Variants in SNX3 observed in about 807,000 individuals in gnomAD.
The protein encoded by SNX3 is sorting nexin-3.
Under a neutral mutation model 17.7 loss-of-function variants are expected in SNX3, and 5 were observed. The ratio of observed to expected loss-of-function variants is 0.28; its 90% CI spans 0.15 to 0.59. SNX3 has a LOEUF of 0.59. Ranked by LOEUF, SNX3 falls within the 20% of genes least tolerant of loss-of-function variation. The pLI, the probability that SNX3 is intolerant of heterozygous loss-of-function variation, is 0.88. For missense variants in SNX3, 132 were observed against 206.8 expected, an observed-to-expected ratio of 0.64 and a Z score of 2.22; for synonymous variants, 91 against 76.5, an observed-to-expected ratio of 1.19 and a Z score of -0.99.
intron 2 of SNX3, among the ~76,000 whole-genome samples, chr6:108,215,735 A>G (rs1774547834): frequency 6.6e-6 from 1 of 152,104 alleles, no homozygotes; most frequent in Non-Finnish European, 1.5e-5. Flanking sequence ...GCTTGAGGCC[A>G]GGAATTTGAC....
chr6:108,254,663 G>A (rs1433143804), intron 1 of SNX3, among the ~76,000 whole-genome samples: 1 of 152,188 alleles, frequency 6.6e-6, no homozygotes, highest in East Asian at 1.9e-4. Context: ...TATAATGGGT[G>A]ACACAGGAAC....
chr6:108,260,329 C>T (rs1051624540), intron 1 of SNX3, among the ~76,000 whole-genome samples: 1 of 152,222 alleles, frequency 6.6e-6, no homozygotes, highest in Non-Finnish European at 1.5e-5. Context: ...CTGGAGCAGC[C>T]GGGTTGGCTT....
chr6:108,211,589 T>C lies in SNX3; in HGVS notation c.*560A>G, dbSNP rs1049520352. ...AGACAAATGATTTTAGTATATAAATTTGCTTTTGTTTTTATACAGAATATA... is the reference window on the plus strand; with the variant it reads ...AGACAAATGATTTTAGTATATAAATCTGCTTTTGTTTTTATACAGAATATA... On this transcript the variant is annotated 3_prime_UTR_variant, in exon 4 of 4. Transcript: ENST00000230085. The C allele has an allele frequency of 6.6e-6, 1 of 152,664 alleles. No homozygotes were observed. The highest frequency in any genetic ancestry group is 1.5e-5 in the Non-Finnish European group (1 of 68,060). 9.5% of individuals were successfully genotyped at this position (152,664 alleles called of 1,614,324 possible).
intron 1 of SNX3, among the ~76,000 whole-genome samples, chr6:108,248,484 G>A (rs1775757041): frequency 6.6e-6 from 1 of 152,120 alleles, no homozygotes; most frequent in Non-Finnish European, 1.5e-5. Flanking sequence ...CTGACCCACA[G>A]GAGCTACTCA....
intron 1 of SNX3, among the ~76,000 whole-genome samples, chr6:108,255,017 G>T (rs1044926311): frequency 3.9e-5 from 6 of 152,184 alleles, no homozygotes; most frequent in African/African-American, 1.4e-4. Context: ...GTTACCTCAA[G>T]ATTAAATTTT....
At chr6:108,257,244 T>A (rs1013892747) in intron 1 of SNX3, among the ~76,000 whole-genome samples, 2 of 152,080 alleles carry the variant, frequency 1.3e-5, no homozygotes, top group Non-Finnish European at 2.9e-5. Context: ...CAGGGCTGGG[T>A]GAGGTGGCTC....
intron 1 of SNX3, 136 bp from the exon 2 acceptor site, chr6:108,223,181 T>C (rs1774860049): frequency 3.4e-6 from 2 of 594,826 alleles, no homozygotes; most frequent in East Asian, 2.9e-5. Context: ...CTTTGTTGCC[T>C]AGGCTGGAGT....
At chr6:108,225,187 C>G (rs925481704) in intron 1 of SNX3, among the ~76,000 whole-genome samples, 1 of 152,134 alleles carries the variant, frequency 6.6e-6, no homozygotes, top group Admixed American at 6.5e-5. Context: ...GAGGCTGAGG[C>G]AGGAGAATGG....
intron 1 of SNX3, among the ~76,000 whole-genome samples, chr6:108,259,428 T>G (rs373539521): frequency 1.3e-5 from 2 of 152,016 alleles, no homozygotes; most frequent in South Asian, 4.1e-4. Flanking sequence ...AGATGGGGTT[T>G]CTCCATGCTG....
chr6:108,251,635 C>CA (rs1181677768), intron 1 of SNX3, among the ~76,000 whole-genome samples: 3 of 151,852 alleles, frequency 2.0e-5, no homozygotes, highest in Admixed American at 6.6e-5. Flanking sequence ...AGAAAAAAAC[C>CA]AAAAAAACAA....
intron 1 of SNX3, among the ~76,000 whole-genome samples, chr6:108,235,142 C>T (rs1775285785): frequency 6.6e-6 from 1 of 152,166 alleles, no homozygotes; most frequent in Non-Finnish European, 1.5e-5. Flanking sequence ...GGCCATGTGA[C>T]TGCCTTTGAT....
At chr6:108,243,576 AAAAAGAAATACT>A (rs1775588705) in intron 1 of SNX3, among the ~76,000 whole-genome samples, 1 of 152,192 alleles carries the variant, frequency 6.6e-6, no homozygotes, top group South Asian at 2.1e-4. Context: ...TAGAAAAAGA[AAAAAGAAATACT>A]AAAGAAAGCC....
At chr6:108,248,481 A>G (rs535383406) in intron 1 of SNX3, among the ~76,000 whole-genome samples, 1 of 152,344 alleles carries the variant, frequency 6.6e-6, no homozygotes, top group Non-Finnish European at 1.5e-5. Flanking sequence ...CAACTGACCC[A>G]CAGGAGCTAC....
chr6:108,222,839 A>C lies in SNX3; in HGVS notation c.258+111T>G. The C allele has an allele frequency of 4.2e-6, 3 of 715,476 alleles. No homozygotes were observed. The South Asian group carries it at 4.9e-5, about 12-fold the overall frequency. 44.3% of individuals were successfully genotyped at this position (715,476 alleles called of 1,614,324 possible). The stretch of plus-strand genomic sequence containing the variant: ...AATGACACTGAACTATTTGAAAAAA[A>C]GAAATCATATTTGCTTTTACCCATT... On this transcript the variant is annotated intron_variant, in intron 2 of 3. Transcript: ENST00000230085.
At chr6:108,242,363 C>T (rs1775546701) in intron 1 of SNX3, among the ~76,000 whole-genome samples, 2 of 152,036 alleles carry the variant, frequency 1.3e-5, no homozygotes, top group Admixed American at 1.3e-4. Flanking sequence ...AGATTCCCAC[C>T]CAATAAACAT....
Position 108,214,491 on chromosome 6 carries a change from C to A in SNX3, c.383+7G>T. Reference sequence around the variant, plus strand: ...GTCCTACACTTTGAGGAATAGGAAGCACTTACTTGTTTATAAACTGCTCCA... The same window carrying A: ...GTCCTACACTTTGAGGAATAGGAAGAACTTACTTGTTTATAAACTGCTCCA... On this transcript the variant is annotated splice_region_variant and intron_variant, in intron 3 of 3. Coordinates refer to ENST00000230085, the MANE Select transcript of SNX3 (RefSeq NM_003795.6). 1 of 1,612,566 alleles carries A rather than the reference C, an allele frequency of 6.2e-7. No individual in the cohort carries two copies. Among genetic ancestry groups the A allele is most frequent in the Non-Finnish European group, 8.5e-7 (1 of 1,179,558 alleles).
At chr6:108,229,406 C>T (rs1012783684) in intron 1 of SNX3, among the ~76,000 whole-genome samples, 5 of 151,726 alleles carry the variant, frequency 3.3e-5, no homozygotes, top group Admixed American at 3.3e-4. Flanking sequence ...TTTCCTCAGT[C>T]TCTCTGCTTC....
intron 1 of SNX3, among the ~76,000 whole-genome samples, chr6:108,238,564 A>G (rs1431596344): frequency 6.6e-6 from 1 of 152,058 alleles, no homozygotes; most frequent in Non-Finnish European, 1.5e-5. Context: ...CAGGAATTTG[A>G]GGGCAGCCTA....
intron 1 of SNX3, among the ~76,000 whole-genome samples, chr6:108,238,847 A>C (rs1338762802): frequency 6.6e-6 from 1 of 151,962 alleles, no homozygotes; most frequent in Non-Finnish European, 1.5e-5. Flanking sequence ...AGTATAATTC[A>C]ATATTTGCTT....
Sources: gnomAD v4.1 joint callset for allele counts (sites outside exome capture counted in the v4.1 genomes callset) on GRCh38, gnomAD v4.1.1 for gene constraint, MANE v1.5 for transcripts, NCBI Gene and HGNC (gene_info 2026-07-23, HGNC 2026-07-21) for gene names.